Variants in KCNN2 observed in about 807,000 individuals in gnomAD.
KCNN2 encodes the protein potassium calcium-activated channel subfamily N member 2, also known as small conductance calcium-activated potassium channel protein 2.
In KCNN2, 24 loss-of-function variants were observed where a neutral mutation model predicts 55.5. The ratio of observed to expected loss-of-function variants is 0.43; its 90% CI spans 0.31 to 0.61. KCNN2 has a LOEUF of 0.61. Among genes scored for constraint, KCNN2 ranks in the 20% least tolerant of loss-of-function variants. KCNN2 has a pLI of 0.08. For missense variants in KCNN2, 754 were observed against 853.6 expected (o/e 0.88, Z 1.45); for synonymous variants, 431 against 336.1 (o/e 1.28, Z -3.09).
chr5:114,180,005 A>G (rs867902053), intron 1 of KCNN2, among the ~76,000 whole-genome samples: 1 of 152,228 alleles, frequency 6.6e-6, no homozygotes, highest in African/African-American at 2.4e-5. Context: ...ATTTTTAAAG[A>G]AAATTGAACA....
intron 2 of KCNN2, among the ~76,000 whole-genome samples, chr5:114,260,423 C>A (rs3935034): frequency 0.046 from 7,060 of 152,256 alleles, 203 homozygotes; most frequent in South Asian, 0.063. Flanking sequence ...TAGACTTTTT[C>A]ATATTTTTAC....
At chr5:114,243,831 C>T (rs1479960970) in intron 2 of KCNN2, among the ~76,000 whole-genome samples, 1 of 152,184 alleles carries the variant, frequency 6.6e-6, no homozygotes, top group Non-Finnish European at 1.5e-5. Flanking sequence ...TTACAGAACA[C>T]CAAAGCAGGT....
chr5:114,437,760 T>C (rs1242288853), intron 3 of KCNN2, among the ~76,000 whole-genome samples: 3 of 152,154 alleles, frequency 2.0e-5, no homozygotes, highest in African/African-American at 7.2e-5. Flanking sequence ...TCTGGGAAGG[T>C]AGAAAATCAT....
At chr5:114,113,667 G>A (rs1339226798) in intron 1 of KCNN2, among the ~76,000 whole-genome samples, 2 of 152,044 alleles carry the variant, frequency 1.3e-5, no homozygotes, top group Non-Finnish European at 2.9e-5. Flanking sequence ...CAAGGCAAAG[G>A]AAAGATTTTT....
intron 3 of KCNN2, among the ~76,000 whole-genome samples, chr5:114,458,170 T>C (rs1761016104): frequency 6.6e-6 from 1 of 152,220 alleles, no homozygotes; most frequent in African/African-American, 2.4e-5. Flanking sequence ...GGTGGATTGA[T>C]CACATGCATT....
chr5:114,418,483 T>C (rs1759372495), intron 3 of KCNN2, among the ~76,000 whole-genome samples: 1 of 152,124 alleles, frequency 6.6e-6, no homozygotes, highest in African/African-American at 2.4e-5. Context: ...AGACAGAGTT[T>C]TCTTCGTCTT....
chr5:114,171,974 A>G (rs1196795155), intron 1 of KCNN2, among the ~76,000 whole-genome samples: 1 of 151,936 alleles, frequency 6.6e-6, no homozygotes, highest in Non-Finnish European at 1.5e-5. Flanking sequence ...GTTGTGATAA[A>G]GCAGTGAAGA....
At chr5:114,107,503 G>T (rs1177828720) in intron 1 of KCNN2, among the ~76,000 whole-genome samples, 1 of 151,926 alleles carries the variant, frequency 6.6e-6, no homozygotes, top group Non-Finnish European at 1.5e-5. Flanking sequence ...TTCTACCTCA[G>T]CCTCCTGAAT....
intron 1 of KCNN2, among the ~76,000 whole-genome samples, chr5:114,112,258 C>G (rs890115597): frequency 6.6e-6 from 1 of 152,036 alleles, no homozygotes; most frequent in African/African-American, 2.4e-5. Flanking sequence ...TGTTCTCACT[C>G]ATAGGTGGGA....
Position 114,362,849 on chromosome 5 carries a change from A to G in KCNN2, c.710A>G (p.His237Arg). ...TTGAGCGCGTCCCGCCGGAACCTGCACGAGATGGACTCAGAGGCGCAGCCC... is the reference window on the plus strand; with the variant it reads ...TTGAGCGCGTCCCGCCGGAACCTGCGCGAGATGGACTCAGAGGCGCAGCCC... Reference protein sequence around the residue: ...SNLSASRRNLHEMDSEAQPLQ... With the variant: ...SNLSASRRNLREMDSEAQPLQ... Residue 237 changes from histidine (H) to arginine (R), a missense_variant, in exon 1 of 8, where the codon CAC (histidine) becomes CGC (arginine). Transcript: ENST00000673685. 6.3e-7 allele frequency: 1 copy of G among 1,599,960 alleles called. No individual in the cohort carries two copies. The highest frequency in any genetic ancestry group is 8.5e-7 in the Non-Finnish European group (1 of 1,178,804).
intron 1 of KCNN2, among the ~76,000 whole-genome samples, chr5:114,171,870 G>A (rs1292017461): frequency 6.6e-6 from 1 of 151,814 alleles, no homozygotes; most frequent in Non-Finnish European, 1.5e-5. Flanking sequence ...CACTCATGTA[G>A]CCTGAAAGTG....
intron 5 of KCNN2, among the ~76,000 whole-genome samples, chr5:114,481,273 T>G (rs1762211370): frequency 6.6e-6 from 1 of 152,178 alleles, no homozygotes; most frequent in South Asian, 2.1e-4. Context: ...ATAAAATACT[T>G]AGGAATACAG....
At chr5:114,129,306 G>A (rs2112609119) in intron 1 of KCNN2, among the ~76,000 whole-genome samples, 1 of 152,232 alleles carries the variant, frequency 6.6e-6, no homozygotes, top group South Asian at 2.1e-4. Flanking sequence ...CAGAGGGTGA[G>A]GAAAGTCTTC....
At chr5:114,241,326 T>C (rs1754614381) in intron 2 of KCNN2, among the ~76,000 whole-genome samples, 1 of 151,940 alleles carries the variant, frequency 6.6e-6, no homozygotes, top group Non-Finnish European at 1.5e-5. Flanking sequence ...TATAGTAGGA[T>C]AAATTTTGGA....
At chr5:114,490,083 C>G (rs1329307928) in intron 6 of KCNN2, among the ~76,000 whole-genome samples, 1 of 152,162 alleles carries the variant, frequency 6.6e-6, no homozygotes, top group Non-Finnish European at 1.5e-5. Context: ...CACTTAGTGT[C>G]GTGAAGTGTT....
chr5:114,475,828 C>A (rs1761939655), intron 5 of KCNN2, among the ~76,000 whole-genome samples: 1 of 152,050 alleles, frequency 6.6e-6, no homozygotes, highest in African/African-American at 2.4e-5. Context: ...GAATGAAAAG[C>A]ATCTTCCCAA....
intron 3 of KCNN2, among the ~76,000 whole-genome samples, chr5:114,438,840 C>A (rs1222530568): frequency 2.0e-5 from 3 of 152,182 alleles, no homozygotes; most frequent in African/African-American, 7.2e-5. Flanking sequence ...ACTAAAGCTG[C>A]AAAACCCTAT....
At chr5:114,074,049 A>G (rs1477031871) in intron 1 of KCNN2, among the ~76,000 whole-genome samples, 1 of 152,124 alleles carries the variant, frequency 6.6e-6, no homozygotes, top group Admixed American at 6.6e-5. Flanking sequence ...TTTTCCTGGC[A>G]TGTTGACTTA....
chr5:114,421,975 T>G (rs897998256), intron 3 of KCNN2, among the ~76,000 whole-genome samples: 4 of 152,200 alleles, frequency 2.6e-5, no homozygotes, highest in Admixed American at 2.0e-4. Flanking sequence ...CAAATTAATC[T>G]TTTTGGTCTT....
Sources: gnomAD v4.1 joint callset for allele counts (sites outside exome capture counted in the v4.1 genomes callset) on GRCh38, gnomAD v4.1.1 for gene constraint, MANE v1.5 for transcripts, NCBI Gene and HGNC (gene_info 2026-07-23, HGNC 2026-07-21) for gene names.